TVP23C: variants seen among roughly 807,000 people sequenced by gnomAD.
TVP23C encodes Golgi apparatus membrane protein TVP23 homolog C.
In TVP23C, 19 loss-of-function variants were observed where a neutral mutation model predicts 28.7. That is an observed-to-expected ratio of 0.66 (90% CI 0.46 to 0.97). TVP23C has a LOEUF of 0.97. Ranked by LOEUF, TVP23C falls within the 50% of genes least tolerant of loss-of-function variation. The pLI is 0.00. For missense variants in TVP23C, 186 were observed against 241.3 expected, an observed-to-expected ratio of 0.77 and a Z score of 1.52; for synonymous variants, 68 against 81.7, an observed-to-expected ratio of 0.83 and a Z score of 0.90.
chr17:15,527,573 T>C (rs1982780616), intron 5 of TVP23C, among the ~76,000 whole-genome samples: 3 of 152,218 alleles, frequency 2.0e-5, no homozygotes, highest in African/African-American at 7.2e-5. Context: ...GGGACTATAC[T>C]GAACATTTTA....
At chr17:15,535,665 A>G (rs1983124421), downstream of TVP23C, among the ~76,000 whole-genome samples, 2 of 152,264 alleles carry the variant, frequency 1.3e-5, no homozygotes. Context: ...TACAATATTC[A>G]CTTAATTACT....
chr17:15,521,814 C>T (rs1234981871), intron 5 of TVP23C, among the ~76,000 whole-genome samples: 1 of 152,220 alleles, frequency 6.6e-6, no homozygotes, highest in Non-Finnish European at 1.5e-5. Flanking sequence ...ATTTGTCACA[C>T]AGAGGTCTAT....
At chr17:15,510,191 T>G (rs529993598) in intron 5 of TVP23C, among the ~76,000 whole-genome samples, 1 of 152,112 alleles carries the variant, frequency 6.6e-6, no homozygotes, top group East Asian at 1.9e-4. Flanking sequence ...GGGGTTCTAG[T>G]GAGGAGTTCC....
chr17:15,530,646 T>C (rs1415274257), intron 5 of TVP23C: 1 of 152,232 alleles, frequency 6.6e-6, no homozygotes, highest in Non-Finnish European at 1.5e-5. Context: ...TTGGAGTTAT[T>C]GTCTAGTGTC....
chr17:15,514,883 G>A (rs1009901956), intron 5 of TVP23C, among the ~76,000 whole-genome samples: 1 of 152,174 alleles, frequency 6.6e-6, no homozygotes, highest in Non-Finnish European at 1.5e-5. Context: ...TCTGGAGGAT[G>A]AGACAACAGG....
At chr17:15,540,755 G>A (rs890299084) in intron 5 of TVP23C, among the ~76,000 whole-genome samples, 194 bp from the exon 6 acceptor site, 1 of 152,080 alleles carries the variant, frequency 6.6e-6, no homozygotes, top group Non-Finnish European at 1.5e-5. Context: ...TCTGCACAAG[G>A]CACGAGTCAT....
intron 5 of TVP23C, among the ~76,000 whole-genome samples, chr17:15,505,742 C>T (rs931402232): frequency 6.6e-6 from 1 of 152,206 alleles, no homozygotes; most frequent in Non-Finnish European, 1.5e-5. Context: ...CGCTTGCGGG[C>T]CAGCTGGAGT....
At chr17:15,530,605 T>C (rs1310065980) in intron 5 of TVP23C, among the ~76,000 whole-genome samples, 1 of 152,260 alleles carries the variant, frequency 6.6e-6, no homozygotes, top group Non-Finnish European at 1.5e-5. Flanking sequence ...TGTAGTTACC[T>C]TTAATGATGT....
intron 5 of TVP23C, among the ~76,000 whole-genome samples, chr17:15,541,862 A>G (rs1412352905): frequency 1.3e-5 from 2 of 152,176 alleles, no homozygotes; most frequent in African/African-American, 2.4e-5. Flanking sequence ...TATTGTATAT[A>G]TCAACATGCC....
chr17:15,541,215 T>G (rs971769610), intron 5 of TVP23C, among the ~76,000 whole-genome samples: 1 of 152,206 alleles, frequency 6.6e-6, no homozygotes, highest in Non-Finnish European at 1.5e-5. Context: ...TCAAAACCCA[T>G]TCTTTAAAAA....
At chr17:15,514,103 C>G (rs955849804) in intron 5 of TVP23C, among the ~76,000 whole-genome samples, 4 of 152,210 alleles carry the variant, frequency 2.6e-5, no homozygotes, top group Admixed American at 2.0e-4. Flanking sequence ...GGGCTACTTG[C>G]TTAGGAGCAG....
intron 5 of TVP23C, chr17:15,507,230 G>A: frequency 1.4e-6 from 1 of 734,164 alleles, no homozygotes; most frequent in Non-Finnish European, 2.5e-6. Flanking sequence ...GGTTGAATGG[G>A]AAGCAGGTGG....
At chr17:15,526,180 C>G (rs201134404) in intron 5 of TVP23C, among the ~76,000 whole-genome samples, 1 of 82,590 alleles carries the variant, frequency 1.2e-5, no homozygotes, top group Non-Finnish European at 2.4e-5. Flanking sequence ...CAACTCTGCT[C>G]TACAGAGATG....
intron 5 of TVP23C, among the ~76,000 whole-genome samples, chr17:15,521,717 A>C (rs1982488643): frequency 6.6e-6 from 1 of 152,232 alleles, no homozygotes; most frequent in South Asian, 2.1e-4. Flanking sequence ...ATAAAAAGAA[A>C]TGTGATTCTG....
intron 5 of TVP23C, among the ~76,000 whole-genome samples, chr17:15,518,167 C>CAAAAAAA (rs895582466): frequency 9.2e-5 from 5 of 54,286 alleles, no homozygotes; most frequent in Non-Finnish European, 2.0e-4. Context: ...GACTCCATCT[C>CAAAAAAA]AAAAAAAAAA....
intron 5 of TVP23C, chr17:15,530,818 T>C (rs781377464): frequency 2.0e-5 from 3 of 150,232 alleles, no homozygotes; most frequent in Non-Finnish European, 3.0e-5. Context: ...AGTGACACAA[T>C]CAAGGCCTCA....
rs544688207 is a variant in TVP23C at position 15,545,264 on chromosome 17, C to A, written c.462+521G>T. 1.0e-3 allele frequency among the ~76,000 whole-genome samples: 152 copies of A among 152,262 alleles called. 1 individual carries two copies. Among genetic ancestry groups the A allele is most frequent in the African/African-American group, 3.4e-3 (140 of 41,562 alleles). ...GCTGCCACGTAAGCAGTCCCACCACCATGAGGCCACCATGCCATGAGGAAG... is the reference window on the plus strand; with the variant it reads ...GCTGCCACGTAAGCAGTCCCACCACAATGAGGCCACCATGCCATGAGGAAG... On this transcript the variant is annotated intron_variant, in intron 5 of 5. Transcript: ENST00000518321.
chr17:15,505,743 C>T (rs1431675623), intron 5 of TVP23C, among the ~76,000 whole-genome samples: 1 of 152,216 alleles, frequency 6.6e-6, no homozygotes, highest in Non-Finnish European at 1.5e-5. Flanking sequence ...GCTTGCGGGC[C>T]AGCTGGAGTT....
Position 15,538,896 on chromosome 17 carries a change from TG to T in TVP23C, c.*1515del. The T allele has an allele frequency of 2.0e-6, 2 of 985,862 alleles. No homozygotes were observed. Among genetic ancestry groups the T allele is most frequent in the Non-Finnish European group, 1.2e-6 (1 of 829,938 alleles). The allele number at this position is 985,862 out of a possible 1,614,324, so 61.1% of individuals were successfully genotyped here. On this transcript the variant is annotated 3_prime_UTR_variant, in exon 6 of 6. Coordinates refer to ENST00000518321, the MANE Select transcript of TVP23C (RefSeq NM_001135036.2). Reference sequence around the variant, plus strand: ...CATGCAAAAATCCTTCAGAATGAGATGATCATGTCCCTACATGAATATTCAT... The same window carrying T: ...CATGCAAAAATCCTTCAGAATGAGATATCATGTCCCTACATGAATATTCAT...
Sources: allele counts gnomAD v4.1 joint callset (sites outside exome capture counted in the v4.1 genomes callset), GRCh38; gene constraint gnomAD v4.1.1; transcripts MANE v1.5; gene names NCBI Gene and HGNC (gene_info 2026-07-23, HGNC 2026-07-21).